The following NAP1L4 variants were observed in gnomAD, a reference collection of about 807,000 sequenced individuals.
NAP1L4 encodes nucleosome assembly protein 1 like 4, also known as nucleosome assembly protein 1-like 4.
A neutral mutation model predicts 58.2 loss-of-function variants in NAP1L4; 15 were observed. The ratio of observed to expected loss-of-function variants is 0.26; its 90% CI spans 0.17 to 0.40. The LOEUF (loss-of-function observed/expected upper bound fraction) is 0.40, where lower values mean the gene tolerates loss of function less well. Among genes scored for constraint, NAP1L4 ranks in the 10% least tolerant of loss-of-function variants. The probability of loss-of-function intolerance (pLI) is 1.00; values close to 1 mark genes in which losing one functional copy is unlikely to be tolerated. For missense variants in NAP1L4, 384 were observed against 451.1 expected, an observed-to-expected ratio of 0.85 and a Z score of 1.35; for synonymous variants, 171 against 155.6, an observed-to-expected ratio of 1.10 and a Z score of -0.74.
rs1470250486 is a variant in NAP1L4 at position 2,971,240 on chromosome 11, A to T, written c.402+208T>A. The stretch of plus-strand genomic sequence containing the variant: ...ATATGCTCCTGTCCACAGATAACTG[A>T]GGTGGCACTACATCTTACTCCTATT... On this transcript the variant is annotated intron_variant, in intron 6 of 15. Transcript: ENST00000380542. The surrounding 1 kb of genome is among the most constrained non-coding windows in gnomAD (Gnocchi z 4.2). Among the ~76,000 whole-genome samples, 1 of 152,232 alleles carries T rather than the reference A, an allele frequency of 6.6e-6. No homozygotes were observed. The highest frequency in any genetic ancestry group is 1.5e-5 in the Non-Finnish European group (1 of 68,048).
At position 2,970,741 on chromosome 11, in the gene NAP1L4, A is replaced by T. The variant is rs534751577; in HGVS notation, c.402+707T>A. Reference sequence around the variant, plus strand: ...GCAGATTTCCCTTGAGCTGTTAGAAACTGATTCACAACTGTATTAATCCAC... The same window carrying T: ...GCAGATTTCCCTTGAGCTGTTAGAATCTGATTCACAACTGTATTAATCCAC... On this transcript the variant is annotated intron_variant, in intron 6 of 15. Coordinates refer to ENST00000380542, the MANE Select transcript of NAP1L4 (RefSeq NM_005969.4). 2.6e-5 allele frequency among the ~76,000 whole-genome samples: 4 copies of T among 152,248 alleles called. No individual in the cohort carries two copies. In the East Asian group the frequency reaches 7.7e-4, roughly 29 times the overall value.
Position 2,990,819 on chromosome 11 carries a change from G to A in NAP1L4, c.-18+1435C>T, listed in dbSNP as rs945558779. The A allele has an allele frequency of 4.7e-5, 11 of 233,348 alleles. No individual in the cohort carries two copies. The East Asian group carries it at 1.2e-3, about 26-fold the overall frequency. 14.5% of individuals were successfully genotyped at this position (233,348 alleles called of 1,614,324 possible). ...GAAATGAGTTAACACACGCAAACAG[G>A]CTGAAAGAGTCCCTGGTGCGCAGTG... On this transcript the variant is annotated intron_variant, in intron 1 of 15. Transcript: ENST00000380542.
chr11:2,983,492 T>C (rs903704657), intron 1 of NAP1L4, among the ~76,000 whole-genome samples: 2 of 151,734 alleles, frequency 1.3e-5, no homozygotes, highest in African/African-American at 2.4e-5. Context: ...GCTGGGATTA[T>C]AGGACAGAGG....
intron 1 of NAP1L4, chr11:2,983,838 AATT>A (rs1270650213): frequency 6.6e-6 from 1 of 151,726 alleles, no homozygotes; most frequent in Admixed American, 6.6e-5. Context: ...AAAAAAACAA[AATT>A]AGCCAGGCAT....
In NAP1L4 at chr11:2,959,456, C is replaced by T. The variant is rs1213763866; in HGVS notation, c.746+314G>A. 6.6e-6 allele frequency among the ~76,000 whole-genome samples: 1 copy of T among 152,196 alleles called. No individual in the cohort carries two copies. Among genetic ancestry groups the T allele is most frequent in the Non-Finnish European group, 1.5e-5 (1 of 68,044 alleles). ...ATTTGCTGAGGGTAATCCATGGATTCAATTTTAAGAACTTCAATTCACGAT... is the reference window on the plus strand; with the variant it reads ...ATTTGCTGAGGGTAATCCATGGATTTAATTTTAAGAACTTCAATTCACGAT... On this transcript the variant is annotated intron_variant, in intron 9 of 15. Coordinates refer to ENST00000380542, the MANE Select transcript of NAP1L4 (RefSeq NM_005969.4). This position sits in a 1 kb window ranked among gnomAD's most constrained non-coding sequence, Gnocchi z 4.9.
intron 4 of NAP1L4, among the ~76,000 whole-genome samples, chr11:2,972,476 G>A (rs558426623): frequency 4.8e-4 from 73 of 152,206 alleles, no homozygotes; most frequent in Non-Finnish European, 8.4e-4. Flanking sequence ...CATGAAGAAA[G>A]ATTCAATTTC....
intron 10 of NAP1L4, 179 bp downstream of exon 10, chr11:2,958,220 C>T (rs1481680099): frequency 5.6e-6 from 4 of 710,924 alleles, no homozygotes; most frequent in South Asian, 1.5e-5. Context: ...GCTACCTCTG[C>T]CCCCCGCGAT....
rs536594125 is a variant in NAP1L4, at chr11:2,991,210, C to A, written c.-18+1044G>T. ...CAAGGCTGGAGTCCCCTTTACTGGA[C>A]CCTAAACATGTCTGCCTCCTGCCCC... On this transcript the variant is annotated intron_variant, in intron 1 of 15. Coordinates refer to ENST00000380542, the MANE Select transcript of NAP1L4 (RefSeq NM_005969.4). 2.7e-5 allele frequency: 12 copies of A among 446,180 alleles called. 1 individual carries two copies. Among genetic ancestry groups the A allele is most frequent in the South Asian group, 1.9e-4 (12 of 64,306 alleles). The allele number at this position is 446,180 out of a possible 1,614,324, so 27.6% of individuals were successfully genotyped here.
intron 10 of NAP1L4, among the ~76,000 whole-genome samples, chr11:2,956,509 C>G (rs1464207294): frequency 6.6e-6 from 1 of 152,234 alleles, no homozygotes; most frequent in Non-Finnish European, 1.5e-5. Flanking sequence ...TCACTGGGCT[C>G]TCCTCTCTGA....
chr11:2,959,538 C>T lies in NAP1L4; in HGVS notation c.746+232G>A, dbSNP rs574349473. On this transcript the variant is annotated intron_variant, in intron 9 of 15. Coordinates refer to ENST00000380542, the MANE Select transcript of NAP1L4 (RefSeq NM_005969.4). The surrounding 1 kb of genome is among the most constrained non-coding windows in gnomAD (Gnocchi z 4.9). ...AAGAAACAGGGCACTATCCCAAAGG[C>T]TTGCATGTGCAACCACGTGACTCAT... Among the ~76,000 whole-genome samples the T allele has an allele frequency of 3.3e-5, 5 of 152,354 alleles. No homozygotes were observed. The South Asian group carries it at 1.0e-3, about 32-fold the overall frequency.
rs1258272755 is a variant in NAP1L4 at position 2,946,188 on chromosome 11, T to C, written c.*33-542A>G. Among the ~76,000 whole-genome samples the C allele has an allele frequency of 6.6e-6, 1 of 152,154 alleles. No homozygotes were observed. Among genetic ancestry groups the C allele is most frequent in the Non-Finnish European group, 1.5e-5 (1 of 68,020 alleles). ...GGAGCGCCCCGGCAGATCCATCCTC[T>C]TCTGGTGGCCTGTACTGCACCAACA... On this transcript the variant is annotated intron_variant, in intron 15 of 15. Transcript: ENST00000380542. The surrounding 1 kb of genome is among the most constrained non-coding windows in gnomAD (Gnocchi z 4.8).
At chr11:2,952,167 A>T (rs981835265) in intron 12 of NAP1L4, 2 of 334,268 alleles carry the variant, frequency 6.0e-6, no homozygotes, top group African/African-American at 4.2e-5. Context: ...TGTTTTCCTT[A>T]AATTTTCTAC....
Position 2,976,123 on chromosome 11 carries a change from T to C in NAP1L4, c.74A>G (p.Glu25Gly), listed in dbSNP as rs1329604896. The C allele has an allele frequency of 6.2e-7, 1 of 1,611,872 alleles. No homozygotes were observed. The highest frequency in any genetic ancestry group is 1.3e-5 in the African/African-American group (1 of 74,752). ...VEAAKNASNT[E>G]KLTDQVMQNP... ...CTGCATCACCTGATCTGTGAGCTTT[T>C]CTATGAAGAGTTAAGACCAAACATA... The change falls in exon 4 of 16, where the codon GAA becomes GGA. Residue 25 changes from glutamate (E) to glycine (G), a missense_variant and splice_region_variant. Glu to Gly is a moderately conservative substitution (Grantham distance 98). Transcript: ENST00000380542.
chr11:2,978,769 G>C (rs1468288231), intron 2 of NAP1L4, among the ~76,000 whole-genome samples: 1 of 152,144 alleles, frequency 6.6e-6, no homozygotes, highest in Non-Finnish European at 1.5e-5. Flanking sequence ...TGTAAAATTA[G>C]CCACAACAAG....
chr11:2,990,705 C>G (rs890272697), intron 1 of NAP1L4: 1 of 158,252 alleles, frequency 6.3e-6, no homozygotes, highest in Non-Finnish European at 1.4e-5. Context: ...TCACCTCGGA[C>G]AAGTCATTAT....
Position 2,992,242 on chromosome 11 carries a change from G to C in NAP1L4, c.-18+12C>G, listed in dbSNP as rs1378923934. On this transcript the variant is annotated intron_variant, in intron 1 of 15. Coordinates refer to ENST00000380542, the MANE Select transcript of NAP1L4 (RefSeq NM_005969.4). ...GCGCGCCGTTACCGGCCCAGCACCCGTGTCTCCGCACCTCACGCCTCCTGC... is the reference window on the plus strand; with the variant it reads ...GCGCGCCGTTACCGGCCCAGCACCCCTGTCTCCGCACCTCACGCCTCCTGC... 15 of 150,342 alleles carry C rather than the reference G, an allele frequency of 1.0e-4. No homozygotes were observed. Among genetic ancestry groups the C allele is most frequent in the Admixed American group, 1.0e-3 (15 of 15,048 alleles). 9.3% of individuals were successfully genotyped at this position (150,342 alleles called of 1,614,324 possible).
At chr11:2,952,153 A>T (rs1233550573) in intron 12 of NAP1L4, 2 of 354,072 alleles carry the variant, frequency 5.6e-6, no homozygotes, top group Non-Finnish European at 1.0e-5. Context: ...TAAACCGATG[A>T]ATTTGTTTTC....
At chr11:2,976,838 A>G (rs1025272986) in intron 3 of NAP1L4, among the ~76,000 whole-genome samples, 2 of 152,356 alleles carry the variant, frequency 1.3e-5, no homozygotes, top group South Asian at 2.1e-4. Flanking sequence ...AGTTGTGACT[A>G]TGAAGTGGCA....
chr11:2,973,820 G>T (rs1564985721), intron 4 of NAP1L4, among the ~76,000 whole-genome samples: 1 of 152,136 alleles, frequency 6.6e-6, no homozygotes, highest in Non-Finnish European at 1.5e-5. Context: ...CCAGGCTGCA[G>T]TGCACTGGTG....
Sources: allele counts gnomAD v4.1 joint callset (sites outside exome capture counted in the v4.1 genomes callset), GRCh38; gene constraint gnomAD v4.1.1; non-coding constraint Gnocchi (gnomAD v3.1); transcripts MANE v1.5; gene names NCBI Gene and HGNC (gene_info 2026-07-23, HGNC 2026-07-21).